Variants in NALF1 observed in about 807,000 individuals in gnomAD.
The protein encoded by NALF1 is NALCN channel auxiliary factor 1.
Under a neutral mutation model 48.4 loss-of-function variants are expected in NALF1, and 3 were observed. The observed-to-expected ratio is 0.06, with a 90% confidence interval of 0.03 to 0.16. NALF1 has a LOEUF of 0.16. NALF1 is among the 10% of genes least tolerant of loss of function. The pLI is 1.00. For synonymous variants in NALF1, 262 were observed against 245.7 expected, an observed-to-expected ratio of 1.07 and a Z score of -0.62; for missense variants, 526 against 571.5, an observed-to-expected ratio of 0.92 and a Z score of 0.81.
chr13:107,382,811 C>A (rs9670553), intron 1 of NALF1, among the ~76,000 whole-genome samples: 1,553 of 152,264 alleles, frequency 0.01, 27 homozygotes, highest in African/African-American at 0.036. Flanking sequence ...AATCTTTTTT[C>A]CCCCTGAACT....
intron 1 of NALF1, among the ~76,000 whole-genome samples, chr13:107,644,626 T>C (rs1209055543): frequency 3.2e-5 from 4 of 124,806 alleles, no homozygotes; most frequent in African/African-American, 5.8e-5. Flanking sequence ...TGTGTGTGTG[T>C]ATACATACAT....
intron 1 of NALF1, among the ~76,000 whole-genome samples, chr13:107,712,635 G>A (rs973866528): frequency 6.6e-6 from 1 of 152,202 alleles, no homozygotes; most frequent in Non-Finnish European, 1.5e-5. Context: ...TCGTTTCGGG[G>A]AGAATGACAG....
At chr13:107,436,535 G>A (rs1884467016) in intron 1 of NALF1, among the ~76,000 whole-genome samples, 1 of 152,066 alleles carries the variant, frequency 6.6e-6, no homozygotes, top group South Asian at 2.1e-4. Context: ...ATCCATTCAT[G>A]ACAATAACTG....
At chr13:107,274,399 C>T (rs1013863731) in intron 1 of NALF1, among the ~76,000 whole-genome samples, 2 of 152,000 alleles carry the variant, frequency 1.3e-5, no homozygotes, top group African/African-American at 4.8e-5. Context: ...AATGGGACCC[C>T]ATCTCTACCA....
At chr13:107,245,625 T>C (rs1414231262) in intron 1 of NALF1, among the ~76,000 whole-genome samples, 4 of 152,242 alleles carry the variant, frequency 2.6e-5, no homozygotes, top group Non-Finnish European at 5.9e-5. Context: ...TTCCAAGAAA[T>C]GTTTGCCATA....
chr13:107,326,271 C>T (rs1194349553), intron 1 of NALF1, among the ~76,000 whole-genome samples: 1 of 152,130 alleles, frequency 6.6e-6, no homozygotes, highest in East Asian at 1.9e-4. Flanking sequence ...CCTGCTTACA[C>T]TTCCTTCCAT....
chr13:107,583,986 A>G (rs1249189271), intron 1 of NALF1, among the ~76,000 whole-genome samples: 1 of 152,062 alleles, frequency 6.6e-6, no homozygotes, highest in East Asian at 1.9e-4. Flanking sequence ...TATCTTTCAT[A>G]AGGGAGTATA....
intron 1 of NALF1, among the ~76,000 whole-genome samples, chr13:107,533,297 T>A (rs1318353082): frequency 1.3e-5 from 2 of 152,096 alleles, no homozygotes; most frequent in African/African-American, 4.8e-5. Flanking sequence ...GAATGTCAGA[T>A]CCTCCAAAAT....
At chr13:107,623,641 G>A (rs1383171867) in intron 1 of NALF1, among the ~76,000 whole-genome samples, 10 of 152,126 alleles carry the variant, frequency 6.6e-5, no homozygotes, top group South Asian at 2.1e-4. Context: ...ATGTAGAAAC[G>A]CAAAGATTTG....
chr13:107,208,194 G>A (rs1367125605), intron 2 of NALF1, among the ~76,000 whole-genome samples: 1 of 152,152 alleles, frequency 6.6e-6, no homozygotes, highest in African/African-American at 2.4e-5. Flanking sequence ...TAACCCAACT[G>A]AAAGTGACAT....
At chr13:107,229,621 G>C (rs947811254) in intron 1 of NALF1, among the ~76,000 whole-genome samples, 1 of 152,100 alleles carries the variant, frequency 6.6e-6, no homozygotes, top group Non-Finnish European at 1.5e-5. Flanking sequence ...CTGGTTTATC[G>C]AGAGAAAGCA....
At position 107,855,462 on chromosome 13, in the gene NALF1, T is replaced by G. The variant is rs142236672; in HGVS notation, c.915+10220A>C. 1.6e-3 allele frequency among the ~76,000 whole-genome samples: 243 copies of G among 152,362 alleles called. 3 individuals are homozygous for G. Among genetic ancestry groups the G allele is most frequent in the African/African-American group, 5.6e-3 (233 of 41,588 alleles). On this transcript the variant is annotated intron_variant, in intron 1 of 2. Transcript: ENST00000375915. Reference sequence around the variant, plus strand: ...ATGTGGCCCCCAGAAGCCAAAAGATTGGACACCCCTGCTTTACACCAAGCT... The same window carrying G: ...ATGTGGCCCCCAGAAGCCAAAAGATGGGACACCCCTGCTTTACACCAAGCT...
intron 1 of NALF1, among the ~76,000 whole-genome samples, chr13:107,666,767 T>C (rs1333227113): frequency 2.0e-5 from 3 of 151,742 alleles, no homozygotes; most frequent in African/African-American, 4.9e-5. Flanking sequence ...ATTTGAAGCA[T>C]TGCCCCCATA....
intron 1 of NALF1, among the ~76,000 whole-genome samples, chr13:107,642,376 T>C (rs977159850): frequency 2.6e-5 from 4 of 152,184 alleles, no homozygotes; most frequent in Admixed American, 1.3e-4. Flanking sequence ...AACGTTTAAG[T>C]CAATGCCATG....
At position 107,363,341 on chromosome 13, in the gene NALF1, C is replaced by T. The variant is rs543736492; in HGVS notation, c.916-152586G>A. 1.3e-4 allele frequency among the ~76,000 whole-genome samples: 20 copies of T among 152,242 alleles called. No homozygotes were observed. The East Asian group carries it at 3.9e-3, about 29-fold the overall frequency. On this transcript the variant is annotated intron_variant, in intron 1 of 2. Transcript: ENST00000375915. ...GGGTGTGATGGCTCATTCCTATAAT[C>T]AAAGTGCTTTGGGAGGCTGAGATGG...
chr13:107,855,892 G>A (rs914449077), intron 1 of NALF1, among the ~76,000 whole-genome samples: 6 of 152,152 alleles, frequency 3.9e-5, no homozygotes, highest in Admixed American at 2.6e-4. Context: ...TTGAATAAGT[G>A]GAATTCCCTA....
intron 1 of NALF1, among the ~76,000 whole-genome samples, chr13:107,509,439 T>C (rs1188260293): frequency 6.6e-6 from 1 of 152,194 alleles, no homozygotes; most frequent in Non-Finnish European, 1.5e-5. Flanking sequence ...GCAAAAGATT[T>C]ATAAGAAATA....
intron 1 of NALF1, among the ~76,000 whole-genome samples, chr13:107,573,751 T>C (rs941344443): frequency 6.6e-6 from 1 of 152,152 alleles, no homozygotes; most frequent in Non-Finnish European, 1.5e-5. Context: ...ATCATGATAG[T>C]GAGTCTGTCT....
intron 1 of NALF1, among the ~76,000 whole-genome samples, chr13:107,327,979 G>A (rs1315265092): frequency 6.6e-6 from 1 of 151,686 alleles, no homozygotes; most frequent in African/African-American, 2.4e-5. Context: ...GGAGTTCGGT[G>A]GCAGGATCAC....
Sources: allele counts gnomAD v4.1 joint callset (sites outside exome capture counted in the v4.1 genomes callset), GRCh38; gene constraint gnomAD v4.1.1; transcripts MANE v1.5; gene names NCBI Gene and HGNC (gene_info 2026-07-23, HGNC 2026-07-21).